The following DLC1 variants were observed in gnomAD, a reference collection of about 807,000 sequenced individuals.
DLC1 encodes rho GTPase-activating protein 7.
Under a neutral mutation model 140.3 loss-of-function variants are expected in DLC1, and 54 were observed. The observed-to-expected ratio is 0.38, with a 90% CI of 0.31 to 0.48. The LOEUF is 0.48. Among genes scored for constraint, DLC1 ranks in the 20% least tolerant of loss-of-function variants. The pLI, the probability that DLC1 is intolerant of heterozygous loss-of-function variation, is 0.96. For missense variants in DLC1, 2,536 were observed against 1,907.0 expected, an observed-to-expected ratio of 1.33 and a Z score of -6.14; for synonymous variants, 986 against 728.1, an observed-to-expected ratio of 1.35 and a Z score of -5.70.
At chr8:13,200,940 C>A (rs1827348557) in intron 5 of DLC1, among the ~76,000 whole-genome samples, 1 of 152,266 alleles carries the variant, frequency 6.6e-6, no homozygotes, top group Admixed American at 6.5e-5. Flanking sequence ...CTAGGTTTGG[C>A]TCTGAATCTC....
chr8:13,594,840 T>A (rs1440430946), intron 1 of DLC1, among the ~76,000 whole-genome samples: 1 of 152,016 alleles, frequency 6.6e-6, no homozygotes, highest in African/African-American at 2.4e-5. Context: ...GGTGCTTTTA[T>A]TTTATTTTTA....
chr8:13,526,627 A>G (rs912681756), intron 1 of DLC1, among the ~76,000 whole-genome samples: 62 of 152,286 alleles, frequency 4.1e-4, no homozygotes, highest in African/African-American at 1.3e-3. Flanking sequence ...TTATAGGGAC[A>G]TGGATGAAGC....
At chr8:13,190,192 C>G (rs1451568090) in intron 5 of DLC1, among the ~76,000 whole-genome samples, 1 of 152,152 alleles carries the variant, frequency 6.6e-6, no homozygotes, top group Non-Finnish European at 1.5e-5. Flanking sequence ...TGCTTGACAT[C>G]TGGTGTGTAT....
chr8:13,216,463 C>T (rs1828203960), intron 5 of DLC1, among the ~76,000 whole-genome samples: 1 of 152,166 alleles, frequency 6.6e-6, no homozygotes, highest in South Asian at 2.1e-4. Context: ...GGCTCAAGTC[C>T]ATTTCTAGTT....
At chr8:13,228,111 A>T (rs1427318714) in intron 5 of DLC1, among the ~76,000 whole-genome samples, 1 of 152,182 alleles carries the variant, frequency 6.6e-6, no homozygotes, top group Non-Finnish European at 1.5e-5. Context: ...ATAAATGGGA[A>T]TAATTATTGT....
In DLC1 at chr8:13,197,922, C is replaced by T. The variant is rs1280653682; in HGVS notation, c.1349-82265G>A. On this transcript the variant is annotated intron_variant, in intron 5 of 17. Transcript: ENST00000276297. Reference sequence around the variant, plus strand: ...TGATCTTGGCTTTAGACTGATGATACATCCTTCTAAGAATGAAGTATTTCA... The same window carrying T: ...TGATCTTGGCTTTAGACTGATGATATATCCTTCTAAGAATGAAGTATTTCA... Among the ~76,000 whole-genome samples, 5 of 151,960 alleles carry T rather than the reference C, an allele frequency of 3.3e-5. No homozygotes were observed. The East Asian group carries it at 7.7e-4, about 23-fold the overall frequency.
Position 13,099,814 on chromosome 8 carries a change from T to A in DLC1, c.2523A>T (p.Gly841=). Residue 841 remains glycine, a synonymous_variant, in exon 9 of 18, where the codon GGA becomes GGT. Coordinates refer to ENST00000276297, the MANE Select transcript of DLC1 (RefSeq NM_182643.3). The part of the protein sequence containing the change: ...GNNGSVNWRT[G]SFHGPGHISL... Reference sequence around the variant, plus strand: ...TGATGTGGCCAGGGCCGTGGAAGCTTCCCGTCCTCCAGTTCACAGAGCCGT... The same window carrying A: ...TGATGTGGCCAGGGCCGTGGAAGCTACCCGTCCTCCAGTTCACAGAGCCGT... 6.2e-7 allele frequency: 1 copy of A among 1,614,110 alleles called. No individual in the cohort carries two copies. Among genetic ancestry groups the A allele is most frequent in the Non-Finnish European group, 8.5e-7 (1 of 1,180,024 alleles).
At chr8:13,470,151 T>C (rs1373088860) in intron 2 of DLC1, among the ~76,000 whole-genome samples, 1 of 152,192 alleles carries the variant, frequency 6.6e-6, no homozygotes, top group Non-Finnish European at 1.5e-5. Context: ...AATCCTTTGA[T>C]ACAGCTGGAA....
At chr8:13,320,544 G>A in intron 4 of DLC1, among the ~76,000 whole-genome samples, 1 of 152,150 alleles carries the variant, frequency 6.6e-6, no homozygotes, top group East Asian at 1.9e-4. Context: ...CTCCTGCTAT[G>A]GTTTGGATGT....
intron 5 of DLC1, among the ~76,000 whole-genome samples, chr8:13,294,288 G>A (rs559162616): frequency 1.3e-5 from 2 of 152,222 alleles, no homozygotes; most frequent in South Asian, 2.1e-4. Flanking sequence ...TAGGTGCACC[G>A]TACTGTGCTA....
At chr8:13,545,747 G>GA (rs531525793) in intron 1 of DLC1, among the ~76,000 whole-genome samples, 31 of 151,884 alleles carry the variant, frequency 2.0e-4, no homozygotes, top group East Asian at 5.8e-4. Flanking sequence ...TGACATAGTT[G>GA]AAAAAAACAA....
intron 1 of DLC1, among the ~76,000 whole-genome samples, chr8:13,531,321 C>T (rs573483010): frequency 3.9e-5 from 6 of 152,202 alleles, no homozygotes; most frequent in East Asian, 3.9e-4. Flanking sequence ...CACGGTGGCT[C>T]ATGCCTGTAA....
intron 7 of DLC1, among the ~76,000 whole-genome samples, chr8:13,109,316 G>C (rs1819864006): frequency 6.6e-6 from 1 of 152,104 alleles, no homozygotes; most frequent in African/African-American, 2.4e-5. Flanking sequence ...CCAGCACTTT[G>C]GGAGGCCGAG....
At chr8:13,227,114 C>G (rs1354269290) in intron 5 of DLC1, among the ~76,000 whole-genome samples, 1 of 152,150 alleles carries the variant, frequency 6.6e-6, no homozygotes, top group Non-Finnish European at 1.5e-5. Flanking sequence ...TCTCGAGCAT[C>G]TGAGTTCAAG....
intron 4 of DLC1, among the ~76,000 whole-genome samples, chr8:13,384,639 A>C (rs1260106777): frequency 6.6e-6 from 1 of 151,920 alleles, no homozygotes; most frequent in African/African-American, 2.4e-5. Flanking sequence ...ATCTACCTAA[A>C]ACCCTGTGTT....
intron 5 of DLC1, among the ~76,000 whole-genome samples, chr8:13,125,720 C>A (rs1212508185): frequency 2.0e-5 from 3 of 151,776 alleles, no homozygotes; most frequent in African/African-American, 4.8e-5. Flanking sequence ...GGGGAGCTTC[C>A]TTTTTAAGTT....
At chr8:13,364,051 G>A (rs775153930) in intron 4 of DLC1, among the ~76,000 whole-genome samples, 16 of 152,078 alleles carry the variant, frequency 1.1e-4, no homozygotes, top group African/African-American at 2.4e-5. Context: ...GTGTGTGTGC[G>A]CACGTGCACA....
At chr8:13,588,570 T>A (rs1175735132) in intron 1 of DLC1, among the ~76,000 whole-genome samples, 1 of 152,080 alleles carries the variant, frequency 6.6e-6, no homozygotes. Context: ...CCAATTTTAC[T>A]GGATAATACA....
chr8:13,559,899 G>C (rs1392150203), intron 1 of DLC1, among the ~76,000 whole-genome samples: 1 of 148,882 alleles, frequency 6.7e-6, no homozygotes, highest in African/African-American at 2.5e-5. Flanking sequence ...ACTGCCCAAA[G>C]GCTGATGGAC....
Sources: allele counts gnomAD v4.1 joint callset (sites outside exome capture counted in the v4.1 genomes callset), GRCh38; gene constraint gnomAD v4.1.1; transcripts MANE v1.5; gene names NCBI Gene and HGNC (gene_info 2026-07-23, HGNC 2026-07-21).